SBNO1: variants seen among roughly 807,000 people sequenced by gnomAD.
SBNO1 encodes strawberry notch homolog 1.
Under a neutral mutation model 173.6 loss-of-function variants are expected in SBNO1, and 23 were observed. The ratio of observed to expected loss-of-function variants is 0.13; its 90% confidence interval spans 0.10 to 0.19. The LOEUF (loss-of-function observed/expected upper bound fraction) is 0.19. SBNO1 is among the 10% of genes least tolerant of loss of function. The probability of loss-of-function intolerance (pLI) is 1.00; values close to 1 mark genes in which losing one functional copy is unlikely to be tolerated. For synonymous variants in SBNO1, 632 were observed against 571.5 expected (o/e 1.11, Z -1.51); for missense variants, 1,238 against 1,671.2 (o/e 0.74, Z 4.52).
In SBNO1 at chr12:123,323,811, A is replaced by G. The variant is rs750508303; in HGVS notation, c.1994T>C (p.Ile665Thr). 2.5e-5 allele frequency: 40 copies of G among 1,611,132 alleles called. No individual in the cohort carries two copies. The highest frequency in any genetic ancestry group is 3.3e-5 in the Non-Finnish European group (39 of 1,179,130). Residue 665 changes from isoleucine (I) to threonine (T), a missense_variant, in exon 16 of 32, where the codon ATT becomes ACT. Around this residue, in one of 14 missense-constraint regions of SBNO1, gnomAD observed 182 missense variants for 339.9 expected, o/e 0.54. Transcript: ENST00000602398. Reference protein sequence around the residue: ...STAKGVLQSLIEKHFPAPDRK... With the variant: ...STAKGVLQSLTEKHFPAPDRK... ...GTCTGGAGCAGGAAAATGTTTTTCAATGAGTGACTGCAACACACCTCTGTA... is the reference window on the plus strand; with the variant it reads ...GTCTGGAGCAGGAAAATGTTTTTCAGTGAGTGACTGCAACACACCTCTGTA...
rs1287861386 is a variant in SBNO1 at position 123,321,700 on chromosome 12, G to T, written c.2158C>A (p.Arg720=). The change falls in exon 17 of 32, where the codon CGA becomes AGA. Residue 720 remains arginine, a synonymous_variant. Coordinates refer to ENST00000602398, the MANE Select transcript of SBNO1 (RefSeq NM_001167856.3). ...EEITREAKKA[R]KVGGLTGSSS... The stretch of plus-strand genomic sequence containing the variant: ...CTACCAGTAAGGCCACCTACTTTTC[G>T]TGCTTTTTTGGCTTCTCGAGTTATT... 1 of 1,613,982 alleles carries T rather than the reference G, an allele frequency of 6.2e-7. No homozygotes were observed. The highest frequency in any genetic ancestry group is 8.5e-7 in the Non-Finnish European group (1 of 1,179,992).
chr12:123,334,828 A>T (rs1871649805), intron 6 of SBNO1, among the ~76,000 whole-genome samples: 1 of 152,252 alleles, frequency 6.6e-6, no homozygotes, highest in South Asian at 2.1e-4. Context: ...GTAACAGAAC[A>T]TAATGCCAGA....
At position 123,316,694 on chromosome 12, in the gene SBNO1, TTTC is replaced by T. The variant is rs202183216; in HGVS notation, c.2935+524_2935+526del. Among the ~76,000 whole-genome samples, 724 of 133,866 alleles carry T rather than the reference TTTC, an allele frequency of 5.4e-3. 3 individuals are homozygous for T. The highest frequency in any genetic ancestry group is 0.016 in the African/African-American group (654 of 39,880). The allele number at this position is 133,866 out of a possible 152,430, so 87.8% of individuals were successfully genotyped here. A position where few individuals can be genotyped will look rare whatever the true frequency, so the allele number is the denominator to read the frequency against. The stretch of plus-strand genomic sequence containing the variant: ...GCCACCACACCCAGCAAGTTTTTCT[TTTC>T]TTCTTCTTTTTTTTTTTTTTTTTGA... On this transcript the variant is annotated intron_variant, in intron 21 of 31. Transcript: ENST00000602398.
At chr12:123,328,698 G>C in intron 10 of SBNO1, 36 bp downstream of exon 10, 1 of 1,415,758 alleles carries the variant, frequency 7.1e-7, no homozygotes, top group African/African-American at 1.4e-5. Context: ...TTTTCTTGTC[G>C]TTAAAAAATA....
intron 7 of SBNO1, among the ~76,000 whole-genome samples, chr12:123,333,475 G>GTA (rs1289028812): frequency 2.0e-5 from 3 of 151,930 alleles, no homozygotes; most frequent in Non-Finnish European, 4.4e-5. Context: ...CTAGGAATGG[G>GTA]TATATATACA....
intron 5 of SBNO1, among the ~76,000 whole-genome samples, chr12:123,339,487 A>C (rs1221244031): frequency 6.6e-6 from 1 of 152,060 alleles, no homozygotes; most frequent in Admixed American, 6.6e-5. Context: ...GTGCTAGACT[A>C]AGTCCAAAGT....
chr12:123,329,514 T>C (rs1870961827), intron 9 of SBNO1, among the ~76,000 whole-genome samples: 1 of 152,038 alleles, frequency 6.6e-6, no homozygotes, highest in South Asian at 2.1e-4. Context: ...ACTTACTATA[T>C]GCAAAACACT....
intron 1 of SBNO1, among the ~76,000 whole-genome samples, chr12:123,362,278 T>G (rs1875366817): frequency 1.3e-5 from 2 of 148,306 alleles, no homozygotes; most frequent in Non-Finnish European, 3.0e-5. Flanking sequence ...CTACTAAAAG[T>G]ACAAAAAATT....
rs1224890911 is a variant in SBNO1 at position 123,296,011 on chromosome 12, T to C, written c.4079A>G (p.Asn1360Ser). The part of the protein sequence containing the change: ...IPANCVSPLV[N>S]LLSTSDQSQQ... Reference sequence around the variant, plus strand: ...AGACTGGTCTGAAGTTGATAGGAGATTTACAAGAGGAGACACACAATTTGC... The same window carrying C: ...AGACTGGTCTGAAGTTGATAGGAGACTTACAAGAGGAGACACACAATTTGC... Residue 1360 changes from asparagine to serine, a missense_variant, in exon 32 of 32, where the codon AAT becomes AGT. By Grantham distance (46) the Asn-to-Ser change is conservative. Transcript: ENST00000602398. 4 of 1,613,828 alleles carry C rather than the reference T, an allele frequency of 2.5e-6. No homozygotes were observed. In the South Asian group the frequency reaches 4.4e-5, roughly 18 times the overall value.
chr12:123,341,275 C>T (rs1239948459), intron 4 of SBNO1, among the ~76,000 whole-genome samples, 187 bp from the exon 5 acceptor site: 1 of 151,916 alleles, frequency 6.6e-6, no homozygotes, highest in Non-Finnish European at 1.5e-5. Context: ...ATTGTGAAAC[C>T]GCATCTCTAC....
intron 24 of SBNO1, 97 bp downstream of exon 24, chr12:123,313,523 A>C: frequency 1.5e-6 from 1 of 648,110 alleles, no homozygotes; most frequent in South Asian, 2.1e-5. Flanking sequence ...ATTTATGTCC[A>C]AAGAAAAAAA....
At chr12:123,313,107 G>A (rs1868799509) in intron 24 of SBNO1, among the ~76,000 whole-genome samples, 1 of 151,736 alleles carries the variant, frequency 6.6e-6, no homozygotes, top group Non-Finnish European at 1.5e-5. Context: ...GGAGGCTGAG[G>A]CAGGAGAATG....
At chr12:123,349,966 T>C (rs1164520031) in intron 2 of SBNO1, among the ~76,000 whole-genome samples, 1 of 151,780 alleles carries the variant, frequency 6.6e-6, no homozygotes, top group East Asian at 1.9e-4. Flanking sequence ...CACATGTATA[T>C]TTAAAATTGG....
intron 31 of SBNO1, 89 bp downstream of exon 31, chr12:123,297,889 T>C: frequency 8.6e-7 from 1 of 1,168,786 alleles, no homozygotes. Context: ...GTTAGATGCA[T>C]GTGGAATAAA....
chr12:123,349,984 T>G (rs1292974171), intron 2 of SBNO1, among the ~76,000 whole-genome samples: 1 of 152,006 alleles, frequency 6.6e-6, no homozygotes, highest in African/African-American at 2.4e-5. Context: ...TGGGCCAAGC[T>G]TGGCTCGCAC....
intron 20 of SBNO1, among the ~76,000 whole-genome samples, chr12:123,319,049 T>G (rs1309860645): frequency 1.4e-5 from 2 of 148,048 alleles, no homozygotes; most frequent in Admixed American, 6.8e-5. Context: ...CTGCAACCCC[T>G]GCCTCCCAGG....
In SBNO1 at chr12:123,295,717, T is replaced by C; in HGVS notation, c.*191A>G. ...GGGGAGAAGCTAAAGGAAAGACATA[T>C]GTACCACCATCAGCACTGCTGATTT... On this transcript the variant is annotated 3_prime_UTR_variant, in exon 32 of 32. Transcript: ENST00000602398. 1.5e-6 allele frequency: 1 copy of C among 649,236 alleles called. No individual in the cohort carries two copies. Among genetic ancestry groups the C allele is most frequent in the Non-Finnish European group, 2.7e-6 (1 of 371,780 alleles). 40.2% of individuals were successfully genotyped at this position (649,236 alleles called of 1,614,324 possible).
intron 29 of SBNO1, 73 bp from the exon 30 acceptor site, chr12:123,302,973 A>G: frequency 9.1e-7 from 1 of 1,103,720 alleles, no homozygotes; most frequent in Non-Finnish European, 1.4e-6. Flanking sequence ...CTGGTCTGTA[A>G]TTCTAGAGGT....
At chr12:123,313,578 T>C (rs1359706790) in intron 24 of SBNO1, 42 bp downstream of exon 24, 2 of 1,043,788 alleles carry the variant, frequency 1.9e-6, no homozygotes, top group Non-Finnish European at 2.9e-6. Context: ...TACATCTTTG[T>C]CAATAATCAT....
Sources: gnomAD v4.1 joint callset for allele counts (sites outside exome capture counted in the v4.1 genomes callset) on GRCh38, gnomAD v4.1.1 for gene constraint, gnomAD v4.1.1 regional missense constraint, MANE v1.5 for transcripts, NCBI Gene and HGNC (gene_info 2026-07-23, HGNC 2026-07-21) for gene names.